The following PSMD13 variants were observed in gnomAD, a reference collection of about 807,000 sequenced individuals.
The protein encoded by PSMD13 is proteasome 26S subunit, non-ATPase 13, also known as 26S proteasome non-ATPase regulatory subunit 13.
In PSMD13, 8 loss-of-function variants were observed where a neutral mutation model predicts 57.4. That is an observed-to-expected ratio of 0.14 (90% CI 0.08 to 0.25). The LOEUF is 0.25. Among genes scored for constraint, PSMD13 ranks in the 10% least tolerant of loss-of-function variants. The pLI is 1.00. For missense variants in PSMD13, 400 were observed against 461.5 expected (o/e 0.87, Z 1.22); for synonymous variants, 193 against 168.2 (o/e 1.15, Z -1.14).
chr11:236,998 C>G lies in PSMD13; in HGVS notation c.-52C>G, dbSNP rs1809406827. 1.2e-5 allele frequency: 17 copies of G among 1,476,298 alleles called. No individual in the cohort carries two copies. Among genetic ancestry groups the G allele is most frequent in the Middle Eastern group, 1.8e-4 (1 of 5,598 alleles). The allele number at this position is 1,476,298 out of a possible 1,614,324, so 91.4% of individuals were successfully genotyped here. A position where few individuals can be genotyped will look rare whatever the true frequency, so the allele number is the denominator to read the frequency against. On this transcript the variant is annotated 5_prime_UTR_variant, in exon 1 of 13. Coordinates refer to ENST00000532097, the MANE Select transcript of PSMD13 (RefSeq NM_002817.4). ...AGTGAGCATTTCCGGCAGCCATCCC[C>G]GCGGTGCTGACATCCCGGTTGTTCT...
Position 251,151 on chromosome 11 carries a change from C to T in PSMD13, c.837+286C>T, listed in dbSNP as rs1859758535. 2 of 473,768 alleles carry T rather than the reference C, an allele frequency of 4.2e-6. No individual in the cohort carries two copies. The highest frequency in any genetic ancestry group is 1.9e-5 in the African/African-American group (1 of 51,768). The allele number at this position is 473,768 out of a possible 1,614,324, so 29.3% of individuals were successfully genotyped here. ...AGTAGCTGCCCCTCTCCCCGTGATG[C>T]AGTTGTTGCCTCATTGCATGTCGCT... On this transcript the variant is annotated intron_variant, in intron 10 of 12. Transcript: ENST00000532097. This position sits in a 1 kb window ranked among gnomAD's most constrained non-coding sequence, Gnocchi z 4.6.
chr11:238,658 C>T (rs1269189783), intron 1 of PSMD13, among the ~76,000 whole-genome samples: 1 of 152,142 alleles, frequency 6.6e-6, no homozygotes, highest in Non-Finnish European at 1.5e-5. Context: ...GCAACAGAGT[C>T]AGACTCTGTC....
At chr11:243,672 G>A (rs6598063) in intron 2 of PSMD13, among the ~76,000 whole-genome samples, 120,685 of 152,194 alleles carry the variant, frequency 0.79, 48,144 homozygotes, top group African/African-American at 0.88. Flanking sequence ...CCAACAGCCC[G>A]GAAGCCACAG....
chr11:245,184 C>T (rs1241205916), intron 6 of PSMD13, among the ~76,000 whole-genome samples: 1 of 152,182 alleles, frequency 6.6e-6, no homozygotes, highest in Non-Finnish European at 1.5e-5. Flanking sequence ...CTCAAGTGAT[C>T]CCTCTGCCTC....
chr11:248,398 A>T (rs1048760898), intron 7 of PSMD13, among the ~76,000 whole-genome samples: 2 of 152,226 alleles, frequency 1.3e-5, no homozygotes, highest in Non-Finnish European at 2.9e-5. Context: ...AGAACAATAG[A>T]CTTGCTGTCT....
intron 7 of PSMD13, chr11:248,564 A>G: frequency 3.5e-6 from 2 of 570,126 alleles, no homozygotes. Context: ...GAAAAAATAA[A>G]TGAATGCTCC....
intron 4 of PSMD13, 59 bp from the exon 5 acceptor site, chr11:244,367 G>A (rs1859586899): frequency 3.2e-6 from 5 of 1,586,168 alleles, no homozygotes; most frequent in Non-Finnish European, 4.3e-6. Flanking sequence ...ACCTAAGGGT[G>A]TCTTGGTTAG....
intron 6 of PSMD13, 43 bp from the exon 7 acceptor site, chr11:247,234 C>G: frequency 7.7e-6 from 12 of 1,562,266 alleles, no homozygotes; most frequent in Non-Finnish European, 1.0e-5. Context: ...ATAAAATAAA[C>G]TTTTAACTTA....
Position 251,980 on chromosome 11 carries a change from G to A in PSMD13, c.1035+44G>A. The stretch of plus-strand genomic sequence containing the variant: ...ATTATTCACCTCTGTGGATTTTGAG[G>A]GGTTGTGTCTATACCGTCTTAGTTT... On this transcript the variant is annotated intron_variant, in intron 12 of 12. Transcript: ENST00000532097. The surrounding 1 kb of genome is among the most constrained non-coding windows in gnomAD (Gnocchi z 4.6). 1 of 1,554,850 alleles carries A rather than the reference G, an allele frequency of 6.4e-7. No homozygotes were observed. The highest frequency in any genetic ancestry group is 1.4e-5 in the African/African-American group (1 of 73,736).
At chr11:244,494 CTTT>C (rs768605253) in intron 5 of PSMD13, 25 bp downstream of exon 5, 1 of 93,106 alleles carries the variant, frequency 1.1e-5, no homozygotes, top group Non-Finnish European at 1.4e-5. Context: ...TGGGCAATAC[CTTT>C]TAGTACCTTT....
At chr11:248,684 G>T in intron 7 of PSMD13, 92 bp from the exon 8 acceptor site, 2 of 1,243,912 alleles carry the variant, frequency 1.6e-6, no homozygotes, top group Non-Finnish European at 2.3e-6. Context: ...TACAAACAAT[G>T]TTTTTTTACT....
intron 9 of PSMD13, among the ~76,000 whole-genome samples, chr11:249,495 G>A (rs1027848123): frequency 6.6e-6 from 1 of 151,452 alleles, no homozygotes; most frequent in African/African-American, 2.4e-5. Flanking sequence ...AGCATGGGAT[G>A]AAGGAGGAAC....
chr11:241,623 T>G lies in PSMD13; in HGVS notation c.175-2418T>G, dbSNP rs184295357. Reference sequence around the variant, plus strand: ...CCCACACTAGGCGCTCTTGGCCCAGTTACCCCTAACTCAGGGGTTATTGTC... The same window carrying G: ...CCCACACTAGGCGCTCTTGGCCCAGGTACCCCTAACTCAGGGGTTATTGTC... On this transcript the variant is annotated intron_variant, in intron 2 of 12. Transcript: ENST00000532097. 1.7e-3 allele frequency among the ~76,000 whole-genome samples: 253 copies of G among 152,304 alleles called. 8 individuals are homozygous for G. Among genetic ancestry groups the G allele is most frequent in the Admixed American group, 0.013 (198 of 15,302 alleles).
At chr11:246,403 G>A (rs1470658189) in intron 6 of PSMD13, among the ~76,000 whole-genome samples, 1 of 152,184 alleles carries the variant, frequency 6.6e-6, no homozygotes, top group Non-Finnish European at 1.5e-5. Context: ...TCGGGAGGCT[G>A]AGGCAGCGAA....
chr11:243,574 TA>T, intron 2 of PSMD13: 1 of 364,874 alleles, frequency 2.7e-6, no homozygotes, highest in Non-Finnish European at 5.3e-6. Context: ...TCTTATTATT[TA>T]AATAAGCAGG....
In PSMD13 at chr11:243,530, A is replaced by T. The variant is rs925282837; in HGVS notation, c.175-511A>T. ...TGGCTGTAGGATTTTCAACAGCCTT[A>T]CTTATGGGATTCACCTTCCTTCCAC... On this transcript the variant is annotated intron_variant, in intron 2 of 12. Coordinates refer to ENST00000532097, the MANE Select transcript of PSMD13 (RefSeq NM_002817.4). 11 of 337,760 alleles carry T rather than the reference A, an allele frequency of 3.3e-5. 2 individuals are homozygous for T. The highest frequency in any genetic ancestry group is 2.0e-4 in the South Asian group (8 of 40,014). The allele number at this position is 337,760 out of a possible 1,614,324, so 20.9% of individuals were successfully genotyped here.
intron 6 of PSMD13, 23 bp from the exon 7 acceptor site, chr11:247,254 A>G (rs1201704758): frequency 2.5e-6 from 4 of 1,586,168 alleles, no homozygotes; most frequent in African/African-American, 2.7e-5. Context: ...AAAAAGAGAG[A>G]TGATTTTCCT....
In PSMD13 at chr11:245,943, C is replaced by T. The variant is rs541380414; in HGVS notation, c.396+1182C>T. ...AATGCTGTAATAGGCATCCATGTGC[C>T]CCAACCAGCTTAGGAAGGAATGAAG... On this transcript the variant is annotated intron_variant, in intron 6 of 12. Transcript: ENST00000532097. 2.6e-5 allele frequency among the ~76,000 whole-genome samples: 4 copies of T among 152,096 alleles called. No homozygotes were observed. The South Asian group carries it at 8.3e-4, about 32-fold the overall frequency.
At chr11:243,451 T>G in intron 2 of PSMD13, 1 of 298,760 alleles carries the variant, frequency 3.3e-6, no homozygotes, top group Non-Finnish European at 6.7e-6. Flanking sequence ...ATGGTCTTAT[T>G]ATTTAAATGA....
Sources: allele counts gnomAD v4.1 joint callset (sites outside exome capture counted in the v4.1 genomes callset), GRCh38; gene constraint gnomAD v4.1.1; non-coding constraint Gnocchi (gnomAD v3.1); transcripts MANE v1.5; gene names NCBI Gene and HGNC (gene_info 2026-07-23, HGNC 2026-07-21).